The following NEIL2 variants were observed in gnomAD, a reference collection of about 807,000 sequenced individuals.
The protein encoded by NEIL2 is nei like DNA glycosylase 2.
In NEIL2, 23 loss-of-function variants were observed where a neutral mutation model predicts 22.2. The observed-to-expected ratio is 1.04, with a 90% CI of 0.75 to 1.47. The LOEUF (loss-of-function observed/expected upper bound fraction) is 1.47. Among genes scored for constraint, NEIL2 ranks in the 40% most tolerant of loss-of-function variants. The pLI is 0.00. For synonymous variants in NEIL2, 229 were observed against 164.8 expected, an observed-to-expected ratio of 1.39 and a Z score of -2.99; for missense variants, 583 against 404.7, an observed-to-expected ratio of 1.44 and a Z score of -3.78.
At position 11,770,352 on chromosome 8, in the gene NEIL2, A is replaced by G. The variant is rs905630750; in HGVS notation, c.-3+17A>G. ...CTGGTTAAGGTCAGCAGCGTTTGGC[A>G]CGTCTCCTTCCAGCCTGGCGGTTTT... On this transcript the variant is annotated intron_variant, in intron 1 of 4. Transcript: ENST00000284503. 1.1e-4 allele frequency: 16 copies of G among 152,164 alleles called. No homozygotes were observed. Among genetic ancestry groups the G allele is most frequent in the African/African-American group, 3.9e-4 (16 of 41,412 alleles). 9.4% of individuals were successfully genotyped at this position (152,164 alleles called of 1,614,324 possible). A position where few individuals can be genotyped will look rare whatever the true frequency, so the allele number is the denominator to read the frequency against.
Position 11,771,582 on chromosome 8 carries a change from C to T in NEIL2, c.135C>T (p.Thr45=). 1.2e-6 allele frequency: 2 copies of T among 1,613,662 alleles called. No individual in the cohort carries two copies. The highest frequency in any genetic ancestry group is 1.7e-6 in the Non-Finnish European group (2 of 1,179,798). ...TGCAGTCTCTGTGGCTCCAGGACAC[C>T]CAGGTGAGGTAATACTCCTCTGAAG... is the stretch of plus-strand genomic sequence containing the variant. ...ASLQSLWLQD[T]QVHGKKLFLR... The change falls in exon 2 of 5, where the codon ACC becomes ACT. Residue 45 remains threonine (T), a synonymous_variant. Coordinates refer to ENST00000284503, the MANE Select transcript of NEIL2 (RefSeq NM_145043.4).
intron 2 of NEIL2, among the ~76,000 whole-genome samples, chr8:11,773,160 CTT>C (rs2130443718): frequency 6.6e-6 from 1 of 152,274 alleles, no homozygotes; most frequent in Non-Finnish European, 1.5e-5. Flanking sequence ...AGAATTGTCT[CTT>C]GTCTCTGGAT....
chr8:11,785,214 G>A (rs1160864340), intron 4 of NEIL2, among the ~76,000 whole-genome samples: 3 of 149,910 alleles, frequency 2.0e-5, no homozygotes, highest in Non-Finnish European at 4.5e-5. Flanking sequence ...AATTTTTTTT[G>A]AGACAGGGTC....
At chr8:11,771,172 G>A (rs1158702954) in intron 1 of NEIL2, among the ~76,000 whole-genome samples, 2 of 152,174 alleles carry the variant, frequency 1.3e-5, no homozygotes, top group Non-Finnish European at 2.9e-5. Context: ...TGCCCATGAT[G>A]TGCTGCCTAG....
In NEIL2 at chr8:11,774,416, A is replaced by G. The variant is rs537064888; in HGVS notation, c.138+2831A>G. On this transcript the variant is annotated intron_variant, in intron 2 of 4. Coordinates refer to ENST00000284503, the MANE Select transcript of NEIL2 (RefSeq NM_145043.4). The stretch of plus-strand genomic sequence containing the variant: ...AAACCCATCAGATCTCTTGAGACTT[A>G]TTTACTATCACGAGAACAGCCCCCA... Among the ~76,000 whole-genome samples, 5 of 152,188 alleles carry G rather than the reference A, an allele frequency of 3.3e-5. No individual in the cohort carries two copies. In the South Asian group the frequency reaches 1.0e-3, roughly 32 times the overall value.
At chr8:11,781,781 G>T (rs935291620) in intron 3 of NEIL2, among the ~76,000 whole-genome samples, 3 of 152,114 alleles carry the variant, frequency 2.0e-5, no homozygotes, top group Admixed American at 1.3e-4. Flanking sequence ...AGCTTGCCAG[G>T]TATAATACTG....
At position 11,786,121 on chromosome 8, in the gene NEIL2, A is replaced by C. The variant is rs1457166887; in HGVS notation, c.847A>C (p.Thr283Pro). The C allele has an allele frequency of 3.7e-6, 6 of 1,614,038 alleles. No individual in the cohort carries two copies. Among genetic ancestry groups the C allele is most frequent in the Admixed American group, 3.3e-5 (2 of 60,002 alleles). ...QGKFQGRPQH[T>P]QVYQKEQCPA... ...CAAGTTCCAAGGCAGACCGCAGCAC[A>C]CACAGGTCTACCAGAAAGAACAGTG... The change falls in exon 5 of 5, where the codon ACA becomes CCA. Residue 283 changes from threonine to proline, a missense_variant. Transcript: ENST00000284503.
chr8:11,769,940 G>A lies in NEIL2; in HGVS notation c.-398G>A, dbSNP rs1489414281. The A allele has an allele frequency of 6.6e-6, 1 of 152,374 alleles. No individual in the cohort carries two copies. Among genetic ancestry groups the A allele is most frequent in the Admixed American group, 6.5e-5 (1 of 15,284 alleles). 9.4% of individuals were successfully genotyped at this position (152,374 alleles called of 1,614,324 possible). On this transcript the variant is annotated 5_prime_UTR_variant, in exon 1 of 5. Transcript: ENST00000284503. ...GCCTGGAGGCCCCCACTGACCCTCA[G>A]ACCCGCGTCTGCGCCCCTCTCCCCG... is the stretch of plus-strand genomic sequence containing the variant.
intron 3 of NEIL2, among the ~76,000 whole-genome samples, chr8:11,780,248 G>A (rs978802750): frequency 3.3e-5 from 5 of 152,184 alleles, no homozygotes; most frequent in African/African-American, 1.2e-4. Flanking sequence ...CCTGACTCCT[G>A]ACTAGTGTGC....
intron 2 of NEIL2, among the ~76,000 whole-genome samples, chr8:11,773,844 GT>G (rs1309746349): frequency 6.6e-6 from 1 of 152,144 alleles, no homozygotes; most frequent in Non-Finnish European, 1.5e-5. Context: ...CTAGCTCATG[GT>G]TTTCTCCTCC....
Position 11,786,252 on chromosome 8 carries a change from A to G in NEIL2, c.978A>G (p.Pro326=), listed in dbSNP as rs1585795099. Reference sequence around the variant, plus strand: ...GCCAGCCCCAGTTGTCAGAGGAGCCAGAGCAGTGCCAGTTCTCCTAAGGAG... The same window carrying G: ...GCCAGCCCCAGTTGTCAGAGGAGCCGGAGCAGTGCCAGTTCTCCTAAGGAG... ...PQCQPQLSEE[P]EQCQFS is the part of the protein sequence containing the mutation. The change falls in exon 5 of 5, where the codon CCA becomes CCG. Residue 326 remains proline, a synonymous_variant. Coordinates refer to ENST00000284503, the MANE Select transcript of NEIL2 (RefSeq NM_145043.4). 1.9e-6 allele frequency: 3 copies of G among 1,612,544 alleles called. No individual in the cohort carries two copies. The highest frequency in any genetic ancestry group is 2.5e-6 in the Non-Finnish European group (3 of 1,179,974).
chr8:11,781,261 C>T (rs1804398004), intron 3 of NEIL2, among the ~76,000 whole-genome samples: 1 of 152,188 alleles, frequency 6.6e-6, no homozygotes, highest in Non-Finnish European at 1.5e-5. Context: ...TTTGGGCTCA[C>T]ATGACTGGAA....
Position 11,783,209 on chromosome 8 carries a change from C to T in NEIL2, c.498C>T (p.Val166=), listed in dbSNP as rs1804593676. Reference sequence around the variant, plus strand: ...ACCTGTTCTTTCTTCCCAGGTTGGTCCTGCACTTTGGTGGTGGTGGCTTCC... The same window carrying T: ...ACCTGTTCTTTCTTCCCAGGTTGGTTCTGCACTTTGGTGGTGGTGGCTTCC... ...GDWRDPSPRL[V]LHFGGGGFLA... The change falls in exon 4 of 5, where the codon GTC becomes GTT. Residue 166 remains valine (V), a synonymous_variant. Transcript: ENST00000284503. The T allele has an allele frequency of 6.2e-7, 1 of 1,614,190 alleles. No homozygotes were observed. Among genetic ancestry groups the T allele is most frequent in the South Asian group, 1.1e-5 (1 of 91,078 alleles).
chr8:11,773,156 G>C (rs1346845352), intron 2 of NEIL2, among the ~76,000 whole-genome samples: 1 of 152,126 alleles, frequency 6.6e-6, no homozygotes, highest in Non-Finnish European at 1.5e-5. Flanking sequence ...GGGCAGAATT[G>C]TCTCTTGTCT....
chr8:11,771,563 C>A lies in NEIL2; in HGVS notation c.116C>A (p.Ser39Tyr), dbSNP rs908809196. ...AAGCTACAGCCCGCCAGCCTGCAGT[C>A]TCTGTGGCTCCAGGACACCCAGGTG... ...SKKLQPASLQSLWLQDTQVHG... is the reference protein window; with the variant it reads ...SKKLQPASLQYLWLQDTQVHG... The change falls in exon 2 of 5, where the codon TCT (serine) becomes TAT (tyrosine). Residue 39 changes from serine (S) to tyrosine (Y), a missense_variant. By Grantham distance (144) the Ser-to-Tyr change is moderately radical (BLOSUM62 -2). Coordinates refer to ENST00000284503, the MANE Select transcript of NEIL2 (RefSeq NM_145043.4). The A allele has an allele frequency of 6.2e-7, 1 of 1,613,980 alleles. No individual in the cohort carries two copies. Among genetic ancestry groups the A allele is most frequent in the Non-Finnish European group, 8.5e-7 (1 of 1,180,002 alleles).
rs1479308055 is a variant in NEIL2 at position 11,769,989 on chromosome 8, G to A, written c.-349G>A. The A allele has an allele frequency of 6.6e-6, 1 of 152,310 alleles. No homozygotes were observed. Among genetic ancestry groups the A allele is most frequent in the African/African-American group, 2.4e-5 (1 of 41,446 alleles). The allele number at this position is 152,310 out of a possible 1,614,324, so 9.4% of individuals were successfully genotyped here. On this transcript the variant is annotated 5_prime_UTR_variant, in exon 1 of 5. Coordinates refer to ENST00000284503, the MANE Select transcript of NEIL2 (RefSeq NM_145043.4). ...CGCACCCCGAGGCAGAGTTGGGAAAGCAGTGGTCTTAGACCCCCCACCTCG... is the reference window on the plus strand; with the variant it reads ...CGCACCCCGAGGCAGAGTTGGGAAAACAGTGGTCTTAGACCCCCCACCTCG...
intron 2 of NEIL2, among the ~76,000 whole-genome samples, chr8:11,775,066 C>T (rs1053444159): frequency 6.6e-6 from 1 of 152,268 alleles, no homozygotes; most frequent in Non-Finnish European, 1.5e-5. Context: ...CTTCTCACAG[C>T]TCTACTAGGC....
intron 2 of NEIL2, 44 bp from the exon 3 acceptor site, chr8:11,779,554 C>A (rs750669967): frequency 2.1e-6 from 3 of 1,435,734 alleles, no homozygotes; most frequent in Admixed American, 1.7e-5. Flanking sequence ...CCCAGTTCCC[C>A]TCTCTGGGTC....
Position 11,779,932 on chromosome 8 carries a change from G to A in NEIL2, c.473G>A (p.Trp158Ter), listed in dbSNP as rs755208117. ...AAGAAAGCCAACAAGAGGGGGGACT[G>A]GAGGGACCCTTCCCCGAGGTAATGG... ...RAKKANKRGD[W>*]RDPSPRLVLH... Residue 158 changes from tryptophan to a stop codon, truncating the protein, a stop_gained, in exon 3 of 5, where the codon TGG becomes TAG. Transcript: ENST00000284503. LOFTEE classifies it high-confidence loss of function. 1 of 1,614,038 alleles carries A rather than the reference G, an allele frequency of 6.2e-7. No individual in the cohort carries two copies. Among genetic ancestry groups the A allele is most frequent in the Non-Finnish European group, 8.5e-7 (1 of 1,179,920 alleles).
Sources: gnomAD v4.1 joint callset for allele counts (sites outside exome capture counted in the v4.1 genomes callset) on GRCh38, gnomAD v4.1.1 for gene constraint, MANE v1.5 for transcripts, NCBI Gene and HGNC (gene_info 2026-07-23, HGNC 2026-07-21) for gene names.